Variants in DHX38 observed in about 807,000 individuals in gnomAD.
The protein encoded by DHX38 is DEAH-box helicase 38.
In DHX38, 100 loss-of-function variants were observed where a neutral mutation model predicts 153.1. That is an observed-to-expected ratio of 0.65 (90% CI 0.56 to 0.77). The LOEUF is 0.77. DHX38 is among the 30% of genes least tolerant of loss of function. The pLI, the probability that DHX38 is intolerant of heterozygous loss-of-function variation, is 0.00. For synonymous variants in DHX38, 650 were observed against 631.7 expected (o/e 1.03, Z -0.43); for missense variants, 1,440 against 1,654.0 (o/e 0.87, Z 2.24).
Position 72,101,073 on chromosome 16 carries a change from C to T in DHX38, c.1279-13C>T, listed in dbSNP as rs774467910. ...ATTTTAACGGGCATCGCTCTTTCTC[C>T]CCACTGCTGCAGCCGGAGCCGGTGA... On this transcript the variant is annotated splice_polypyrimidine_tract_variant and intron_variant, in intron 9 of 26. Transcript: ENST00000268482. 1.2e-6 allele frequency: 2 copies of T among 1,613,660 alleles called. No individual in the cohort carries two copies. Among genetic ancestry groups the T allele is most frequent in the Admixed American group, 3.3e-5 (2 of 60,004 alleles).
At position 72,101,567 on chromosome 16, in the gene DHX38, A is replaced by G; in HGVS notation, c.1454A>G (p.Glu485Gly). 1 of 1,552,100 alleles carries G rather than the reference A, an allele frequency of 6.4e-7. No homozygotes were observed. The change falls in exon 11 of 27, where the codon GAA becomes GGA. Residue 485 changes from glutamate to glycine, a missense_variant. By Grantham distance (98) the Glu-to-Gly change is moderately conservative (BLOSUM62 -2). This residue lies in a region of DHX38 where 241 missense variants were observed against 229.5 expected (regional missense o/e 1.05). Coordinates refer to ENST00000268482, the MANE Select transcript of DHX38 (RefSeq NM_014003.4). The stretch of plus-strand genomic sequence containing the variant: ...GATATAATGGGCGTCAAGAAGGAGG[A>G]AGAGCCAGATAAAGCTGTGACGGAG... ...LGDIMGVKKE[E>G]EPDKAVTEDG...
At chr16:72,097,246 A>G in intron 3 of DHX38, 1 of 451,836 alleles carries the variant, frequency 2.2e-6, no homozygotes. Flanking sequence ...ATGAAAATTG[A>G]TGATAAAGGA....
At position 72,108,330 on chromosome 16, in the gene DHX38, A is replaced by G; in HGVS notation, c.3068A>G (p.Tyr1023Cys). The change falls in exon 22 of 27, where the codon TAC becomes TGC. Residue 1023 changes from tyrosine (Y) to cysteine (C), a missense_variant. This residue lies in a region of DHX38 where 543 missense variants were observed against 717.9 expected (regional missense o/e 0.76). Transcript: ENST00000268482. ...TACCTGCAGTGGAAGAACAATAATT[A>G]CTCCACCATCTGGTGTAACGATCAT... Reference protein sequence around the residue: ...NVYLQWKNNNYSTIWCNDHFI... With the variant: ...NVYLQWKNNNCSTIWCNDHFI... 2 of 1,613,800 alleles carry G rather than the reference A, an allele frequency of 1.2e-6. No homozygotes were observed. Among genetic ancestry groups the G allele is most frequent in the Non-Finnish European group, 1.7e-6 (2 of 1,179,968 alleles).
At chr16:72,111,571 G>C (rs1239276172) in intron 26 of DHX38, among the ~76,000 whole-genome samples, 2 of 152,234 alleles carry the variant, frequency 1.3e-5, no homozygotes, top group Non-Finnish European at 2.9e-5. Context: ...ACTCCGGAGA[G>C]TGCCGTACTT....
rs1164961710 is a variant in DHX38, at chr16:72,104,871, TGTAGAGGCCTCGCA to T, written c.2152-153_2152-140del. ...GGCCCAGGGAGGCACTGTGCCCTCT[TGTAGAGGCCTCGCA>T]GTCAGGCCCATGTGGAGGTGTGGTG... On this transcript the variant is annotated intron_variant, in intron 15 of 26. Transcript: ENST00000268482. This position sits in a 1 kb window ranked among gnomAD's most constrained non-coding sequence, Gnocchi z 4.5. Among the ~76,000 whole-genome samples the T allele has an allele frequency of 3.9e-5, 6 of 152,174 alleles. No homozygotes were observed. Among genetic ancestry groups the T allele is most frequent in the African/African-American group, 1.4e-4 (6 of 41,434 alleles).
In DHX38 at chr16:72,096,381, A is replaced by G. The variant is rs1243665315; in HGVS notation, c.224A>G (p.Lys75Arg). Reference protein sequence around the residue: ...KDDGEDKKKSKVSSYKDWEES... With the variant: ...KDDGEDKKKSRVSSYKDWEES... ...GATGGGGAGGACAAGAAGAAGTCCA[A>G]AGTCTCCTCCTACAAGGACTGGGAA... The change falls in exon 2 of 27, where the codon AAA becomes AGA. Residue 75 changes from lysine (K) to arginine (R), a missense_variant. Around this residue, in one of 6 missense-constraint regions of DHX38, gnomAD observed 483 missense variants for 465.1 expected, o/e 1.04. Transcript: ENST00000268482. 6.2e-7 allele frequency: 1 copy of G among 1,614,210 alleles called. No homozygotes were observed. Among genetic ancestry groups the G allele is most frequent in the Admixed American group, 1.7e-5 (1 of 60,024 alleles).
Position 72,105,115 on chromosome 16 carries a change from TGC to T in DHX38, c.2241_2242del (p.Met747IlefsTer7). On this transcript the variant is annotated frameshift_variant, in exon 16 of 27. Coordinates refer to ENST00000268482, the MANE Select transcript of DHX38 (RefSeq NM_014003.4). LOFTEE classifies it high-confidence loss of function. The stretch of plus-strand genomic sequence containing the variant: ...GCCCCTGGAGACATCCTTATCTTCA[TGC>T]CTGGCCAAGAGGACATTGAGGTGCG... 6.2e-7 allele frequency: 1 copy of T among 1,614,222 alleles called. No homozygotes were observed. Among genetic ancestry groups the T allele is most frequent in the Non-Finnish European group, 8.5e-7 (1 of 1,180,040 alleles).
intron 24 of DHX38, 69 bp downstream of exon 24, chr16:72,108,994 G>C: frequency 6.5e-7 from 1 of 1,527,302 alleles, no homozygotes; most frequent in East Asian, 2.3e-5. Flanking sequence ...ACCCTTCACT[G>C]CGTTCTGGCA....
chr16:72,108,184 G>A, intron 21 of DHX38, 43 bp from the exon 22 acceptor site: 2 of 1,606,626 alleles, frequency 1.2e-6, no homozygotes, highest in South Asian at 1.1e-5. Flanking sequence ...AGTGGGCCTG[G>A]ACCCCCCTGT....
chr16:72,101,292 T>G lies in DHX38; in HGVS notation c.1386+99T>G, dbSNP rs2042097061. 3.7e-6 allele frequency: 5 copies of G among 1,365,598 alleles called. No homozygotes were observed. In the Admixed American group the frequency reaches 8.1e-5, roughly 22 times the overall value. 84.6% of individuals were successfully genotyped at this position (1,365,598 alleles called of 1,614,324 possible). On this transcript the variant is annotated intron_variant, in intron 10 of 26. Coordinates refer to ENST00000268482, the MANE Select transcript of DHX38 (RefSeq NM_014003.4). Reference sequence around the variant, plus strand: ...TAGGCCCACAGATAGAAGTTAGGAGTCCCCTCTATCAAGTCCTTAGGCCCG... The same window carrying G: ...TAGGCCCACAGATAGAAGTTAGGAGGCCCCTCTATCAAGTCCTTAGGCCCG...
Position 72,104,933 on chromosome 16 carries a change from T to C in DHX38, c.2152-94T>C, listed in dbSNP as rs2042152972. ...GTGGCCCTCAAAGTCCATGGCTCCA[T>C]TCCAGAGCAGTGCCTGGGCCACTGG... On this transcript the variant is annotated intron_variant, in intron 15 of 26. Transcript: ENST00000268482. The surrounding 1 kb of genome is among the most constrained non-coding windows in gnomAD (Gnocchi z 4.5). 1 of 1,274,664 alleles carries C rather than the reference T, an allele frequency of 7.8e-7. No homozygotes were observed. Among genetic ancestry groups the C allele is most frequent in the South Asian group, 1.4e-5 (1 of 71,252 alleles). The allele number at this position is 1,274,664 out of a possible 1,614,324, so 79.0% of individuals were successfully genotyped here.
At position 72,099,820 on chromosome 16, in the gene DHX38, G is replaced by A. The variant is rs755232918; in HGVS notation, c.1049G>A (p.Arg350Lys). 1 of 1,613,986 alleles carries A rather than the reference G, an allele frequency of 6.2e-7. No individual in the cohort carries two copies. Among genetic ancestry groups the A allele is most frequent in the Non-Finnish European group, 8.5e-7 (1 of 1,179,920 alleles). Reference protein sequence around the residue: ...LAYSSEDYVRRREQHLHKQKQ... With the variant: ...LAYSSEDYVRKREQHLHKQKQ... ...TACTCCTCCGAGGACTACGTGAGGA[G>A]GCGGGAGCAGCACCTGCATAAACAG... Residue 350 changes from arginine (R) to lysine (K), a missense_variant, in exon 8 of 27, where the codon AGG (arginine) becomes AAG (lysine). Physicochemically the swap from Arg to Lys is conservative, Grantham distance 26. Transcript: ENST00000268482.
intron 3 of DHX38, 126 bp from the exon 4 acceptor site, chr16:72,097,551 G>A (rs534992729): frequency 3.6e-6 from 3 of 824,610 alleles, no homozygotes; most frequent in East Asian, 2.7e-5. Flanking sequence ...AGGAGTCCAC[G>A]GATCACATTC....
In DHX38 at chr16:72,100,502, G is replaced by T; in HGVS notation, c.1183G>T (p.Glu395Ter). The change falls in exon 9 of 27, where the codon GAG (glutamate) becomes TAG (stop). Residue 395 changes from glutamate (E) to a stop codon, truncating the protein, a stop_gained. Transcript: ENST00000268482. LOFTEE classifies it high-confidence loss of function. Reference protein sequence around the residue: ...SGVVHRLEVDEDFEEDNAAKV... With the variant: ...SGVVHRLEVD The stretch of plus-strand genomic sequence containing the variant: ...GGTGGTCCATCGGCTGGAGGTGGAT[G>T]AGGACTTTGAAGAGGACAACGCGGC... The T allele has an allele frequency of 6.2e-7, 1 of 1,614,208 alleles. No individual in the cohort carries two copies. Among genetic ancestry groups the T allele is most frequent in the Middle Eastern group, 1.6e-4 (1 of 6,062 alleles).
chr16:72,107,015 A>G lies in DHX38; in HGVS notation c.2601-325A>G, dbSNP rs1040545885. Among the ~76,000 whole-genome samples, 6 of 152,152 alleles carry G rather than the reference A, an allele frequency of 3.9e-5. No homozygotes were observed. The highest frequency in any genetic ancestry group is 1.4e-4 in the African/African-American group (6 of 41,428). On this transcript the variant is annotated intron_variant, in intron 19 of 26. Coordinates refer to ENST00000268482, the MANE Select transcript of DHX38 (RefSeq NM_014003.4). The surrounding 1 kb of genome is among the most constrained non-coding windows in gnomAD (Gnocchi z 5.3). ...GAAACCCCATCTCTACTAAAAATAC[A>G]AAAATCAGCTGGGCGTGGTGGCGGA...
chr16:72,108,805 C>G lies in DHX38; in HGVS notation c.3261C>G (p.Ile1087Met). 6.2e-7 allele frequency: 1 copy of G among 1,612,672 alleles called. No homozygotes were observed. The highest frequency in any genetic ancestry group is 2.2e-5 in the East Asian group (1 of 44,882). The change falls in exon 24 of 27, where the codon ATC becomes ATG. Residue 1087 changes from isoleucine to methionine, a missense_variant. Coordinates refer to ENST00000268482, the MANE Select transcript of DHX38 (RefSeq NM_014003.4). ...CTGTTGTGTCTCCTCCCTAGGGAAT[C>G]GGGGAGTACGTGAACATCCGCACAG... Reference protein sequence around the residue: ...YFHQAAKLKGIGEYVNIRTGM... With the variant: ...YFHQAAKLKGMGEYVNIRTGM...
At chr16:72,101,317 G>C in intron 10 of DHX38, 124 bp downstream of exon 10, 1 of 1,189,568 alleles carries the variant, frequency 8.4e-7, no homozygotes, top group Non-Finnish European at 1.2e-6. Flanking sequence ...CCTTAGGCCC[G>C]ACAGCTGCGG....
intron 13 of DHX38, 36 bp downstream of exon 13, chr16:72,103,824 C>T: frequency 1.3e-6 from 2 of 1,598,790 alleles, no homozygotes; most frequent in Non-Finnish European, 8.6e-7. Context: ...TGTAGTTATT[C>T]CCTAGTAGCT....
In DHX38 at chr16:72,108,321, A is replaced by G. The variant is rs1465822405; in HGVS notation, c.3059A>G (p.Asn1020Ser). ...TYLNVYLQWK[N>S]NNYSTIWCND... The stretch of plus-strand genomic sequence containing the variant: ...CTGAATGTTTACCTGCAGTGGAAGA[A>G]CAATAATTACTCCACCATCTGGTGT... The change falls in exon 22 of 27, where the codon AAC becomes AGC. Residue 1020 changes from asparagine (N) to serine (S), a missense_variant. Coordinates refer to ENST00000268482, the MANE Select transcript of DHX38 (RefSeq NM_014003.4). 3.1e-6 allele frequency: 5 copies of G among 1,614,176 alleles called. No homozygotes were observed. Among genetic ancestry groups the G allele is most frequent in the Non-Finnish European group, 4.2e-6 (5 of 1,180,036 alleles).
Sources: gnomAD v4.1 joint callset for allele counts (sites outside exome capture counted in the v4.1 genomes callset) on GRCh38, gnomAD v4.1.1 for gene constraint, gnomAD v4.1.1 regional missense constraint, Gnocchi (gnomAD v3.1) non-coding constraint, MANE v1.5 for transcripts, NCBI Gene and HGNC (gene_info 2026-07-23, HGNC 2026-07-21) for gene names.